The following PXT1 variants were observed in gnomAD, a reference collection of about 807,000 sequenced individuals.
PXT1 encodes peroxisomal testis enriched protein 1.
In PXT1, 11 loss-of-function variants were observed where a neutral mutation model predicts 11.0. The observed-to-expected ratio is 1.00, with a 90% CI of 0.63 to 1.66. The LOEUF (loss-of-function observed/expected upper bound fraction) is 1.66, where lower values mean the gene tolerates loss of function less well. Ranked by LOEUF, PXT1 falls within the 40% of genes most tolerant of loss-of-function variation. The probability of loss-of-function intolerance (pLI) is 0.00; values close to 1 mark genes in which losing one functional copy is unlikely to be tolerated. For missense variants in PXT1, 141 were observed against 155.5 expected (o/e 0.91, Z 0.49); for synonymous variants, 43 against 51.4 (o/e 0.84, Z 0.70).
chr6:36,439,782 A>G (rs938404056), intron 1 of PXT1, among the ~76,000 whole-genome samples: 5 of 152,300 alleles, frequency 3.3e-5, no homozygotes, highest in Non-Finnish European at 7.3e-5. Context: ...TTTGTAAACC[A>G]TTAACAGGAA....
chr6:36,403,945 T>C (rs1774249131), intron 3 of PXT1, among the ~76,000 whole-genome samples: 2 of 152,230 alleles, frequency 1.3e-5, no homozygotes, highest in South Asian at 4.1e-4. Context: ...ACAGGGGATG[T>C]AGAACTTAAG....
intron 3 of PXT1, among the ~76,000 whole-genome samples, chr6:36,423,318 C>G (rs930394537): frequency 1.3e-5 from 2 of 152,258 alleles, no homozygotes; most frequent in Non-Finnish European, 2.9e-5. Context: ...GCCAGGTCCT[C>G]GGAACCACCT....
At chr6:36,426,332 T>C (rs985117162) in intron 2 of PXT1, among the ~76,000 whole-genome samples, 1 of 150,164 alleles carries the variant, frequency 6.7e-6, no homozygotes, top group Non-Finnish European at 1.5e-5. Flanking sequence ...TATCTCCCAT[T>C]AGTCTTTCTT....
intron 4 of PXT1, among the ~76,000 whole-genome samples, chr6:36,394,848 TTG>T (rs1171154792): frequency 2.0e-5 from 3 of 152,194 alleles, no homozygotes; most frequent in East Asian, 3.9e-4. Context: ...GTCACCCATG[TTG>T]AAGTGCAGTG....
At chr6:36,424,786 A>G (rs929986956) in intron 3 of PXT1, among the ~76,000 whole-genome samples, 1 of 152,070 alleles carries the variant, frequency 6.6e-6, no homozygotes, top group Admixed American at 6.5e-5. Flanking sequence ...GGATGACTTG[A>G]GGTCAGGAGT....
chr6:36,428,416 G>GAAAAA (rs58930146), intron 2 of PXT1, among the ~76,000 whole-genome samples: 5 of 136,714 alleles, frequency 3.7e-5, no homozygotes, highest in South Asian at 2.3e-4. Context: ...GAGCGAGACT[G>GAAAAA]AAAAAAAAGA....
chr6:36,416,541 G>A (rs1774449244), intron 3 of PXT1, among the ~76,000 whole-genome samples: 1 of 152,180 alleles, frequency 6.6e-6, no homozygotes, highest in Non-Finnish European at 1.5e-5. Context: ...TGTAGGAAAT[G>A]GTTCAAGTTC....
intron 2 of PXT1, among the ~76,000 whole-genome samples, chr6:36,430,839 G>GCTGGAGTGCAGTCACCCAA (rs1774682104): frequency 6.6e-6 from 1 of 151,678 alleles, no homozygotes; most frequent in Admixed American, 6.6e-5. Flanking sequence ...CTGTCACCCA[G>GCTGGAGTGCAGTCACCCAA]GCTGGAGTGC....
At chr6:36,411,217 A>T (rs1040821227) in intron 3 of PXT1, among the ~76,000 whole-genome samples, 11 of 152,232 alleles carry the variant, frequency 7.2e-5, no homozygotes, top group Admixed American at 6.5e-4. Flanking sequence ...TGGGAGGCCA[A>T]GGTGGGTGGA....
chr6:36,414,517 T>C (rs1289234797), intron 3 of PXT1, among the ~76,000 whole-genome samples: 1 of 152,228 alleles, frequency 6.6e-6, no homozygotes, highest in African/African-American at 2.4e-5. Flanking sequence ...TCCAAAAAGA[T>C]ATTCCTCTGT....
intron 2 of PXT1, among the ~76,000 whole-genome samples, chr6:36,428,306 G>C (rs1024668824): frequency 6.6e-6 from 1 of 151,666 alleles, no homozygotes; most frequent in Non-Finnish European, 1.5e-5. Context: ...TTAGCCAGGC[G>C]TGATGGCACG....
intron 4 of PXT1, among the ~76,000 whole-genome samples, chr6:36,396,474 C>T (rs1056603520): frequency 6.6e-6 from 1 of 152,368 alleles, no homozygotes; most frequent in East Asian, 1.9e-4. Context: ...GCTCCCAGAG[C>T]CTGCTCCAAT....
At position 36,407,176 on chromosome 6, in the gene PXT1, T is replaced by C. The variant is rs146070031; in HGVS notation, c.170-6592A>G. On this transcript the variant is annotated intron_variant, in intron 3 of 4. Coordinates refer to ENST00000454782, the MANE Select transcript of PXT1 (RefSeq NM_152990.4). ...TCACAAAAGTTCAATGTAAAACAGA[T>C]TGAGAGCTGTGCAGTACTCAACCTA... 4.7e-4 allele frequency among the ~76,000 whole-genome samples: 72 copies of C among 152,284 alleles called. No homozygotes were observed. The East Asian group carries it at 0.01, about 21-fold the overall frequency.
intron 2 of PXT1, among the ~76,000 whole-genome samples, chr6:36,433,427 T>A (rs933836825): frequency 1.3e-5 from 2 of 152,082 alleles, no homozygotes; most frequent in Admixed American, 6.6e-5. Context: ...GGAAAAGTCA[T>A]GAGAAGATTC....
intron 2 of PXT1, among the ~76,000 whole-genome samples, chr6:36,433,191 T>C (rs1201555135): frequency 6.6e-6 from 1 of 151,896 alleles, no homozygotes. Flanking sequence ...ACTGAGACAA[T>C]GCAGGGAGCA....
chr6:36,412,698 C>A (rs576616454), intron 3 of PXT1, among the ~76,000 whole-genome samples: 1 of 150,078 alleles, frequency 6.7e-6, no homozygotes, highest in Non-Finnish European at 1.5e-5. Context: ...TGGATTCAAG[C>A]GATCCTTTCA....
chr6:36,392,934 G>A (rs1195195869), intron 4 of PXT1: 1 of 151,740 alleles, frequency 6.6e-6, no homozygotes, highest in Non-Finnish European at 1.5e-5. Context: ...GTGACCTCAA[G>A]GCCCTACCTA....
At chr6:36,394,227 T>G (rs1392822621) in intron 4 of PXT1, among the ~76,000 whole-genome samples, 2 of 152,238 alleles carry the variant, frequency 1.3e-5, no homozygotes, top group Non-Finnish European at 2.9e-5. Context: ...AGAAGCTAAG[T>G]GACCTTTGAT....
intron 2 of PXT1, among the ~76,000 whole-genome samples, chr6:36,437,314 C>T (rs1774779587): frequency 1.3e-5 from 2 of 151,258 alleles, no homozygotes; most frequent in Non-Finnish European, 2.9e-5. Flanking sequence ...CCAAAAAAAA[C>T]CCAAATTTAA....
Sources: gnomAD v4.1 joint callset for allele counts (sites outside exome capture counted in the v4.1 genomes callset) on GRCh38, gnomAD v4.1.1 for gene constraint, MANE v1.5 for transcripts, NCBI Gene and HGNC (gene_info 2026-07-23, HGNC 2026-07-21) for gene names.